NLGN1: variants seen among roughly 807,000 people sequenced by gnomAD.
NLGN1 encodes the protein neuroligin 1, also known as neuroligin-1.
A neutral mutation model predicts 65.5 loss-of-function variants in NLGN1; 12 were observed. The ratio of observed to expected loss-of-function variants is 0.18; its 90% CI spans 0.12 to 0.30. NLGN1 has a LOEUF of 0.30. Among genes scored for constraint, NLGN1 ranks in the 10% least tolerant of loss-of-function variants. The pLI is 1.00. For synonymous variants in NLGN1, 350 were observed against 359.5 expected (o/e 0.97, Z 0.30); for missense variants, 750 against 1,007.1 (o/e 0.74, Z 3.46).
At chr3:173,892,715 C>T (rs531764479) in intron 4 of NLGN1, among the ~76,000 whole-genome samples, 7 of 150,518 alleles carry the variant, frequency 4.7e-5, no homozygotes, top group Admixed American at 1.3e-4. Context: ...GCTCTACATC[C>T]GAGTTATGAT....
At position 173,700,941 on chromosome 3, in the gene NLGN1, C is replaced by T. The variant is rs207464079; in HGVS notation, c.493+95850C>T. Among the ~76,000 whole-genome samples the T allele has an allele frequency of 3.0e-4, 45 of 152,126 alleles. No homozygotes were observed. In the East Asian group the frequency reaches 6.2e-3, roughly 21 times the overall value. On this transcript the variant is annotated intron_variant, in intron 3 of 6. Transcript: ENST00000457714. ...GAGATCGAGACCATCCTGGCTAACA[C>T]GGTGAAACCCTGTCTCTACTAAAAA...
intron 4 of NLGN1, among the ~76,000 whole-genome samples, chr3:174,097,313 G>A (rs561679803): frequency 6.6e-6 from 1 of 152,020 alleles, no homozygotes; most frequent in Non-Finnish European, 1.5e-5. Flanking sequence ...TTATTCTTCA[G>A]GGCAATAATT....
At chr3:173,956,595 C>T (rs764868315) in intron 4 of NLGN1, among the ~76,000 whole-genome samples, 2 of 152,082 alleles carry the variant, frequency 1.3e-5, no homozygotes, top group Non-Finnish European at 1.5e-5. Context: ...GGACTCTTCC[C>T]CTTTCTGCCC....
intron 2 of NLGN1, chr3:173,585,101 G>A (rs1163834758): frequency 1.3e-5 from 2 of 152,356 alleles, no homozygotes; most frequent in East Asian, 1.9e-4. Context: ...GGAAGGTGAT[G>A]CGGACGCGGT....
chr3:173,572,091 A>G (rs1371981173), intron 2 of NLGN1, among the ~76,000 whole-genome samples: 1 of 152,226 alleles, frequency 6.6e-6, no homozygotes. Flanking sequence ...TCCACATGCT[A>G]TCAGGATCCA....
exon 7 of NLGN1, chr3:174,282,629 A>ACTC (rs1191893851): frequency 2.0e-5 from 3 of 151,986 alleles, no homozygotes; most frequent in Non-Finnish European, 4.4e-5. Flanking sequence ...ACCACAGGAA[A>ACTC]CTCTTCATCC....
chr3:174,175,442 A>G (rs751931983), intron 4 of NLGN1, among the ~76,000 whole-genome samples: 6 of 151,826 alleles, frequency 4.0e-5, no homozygotes, highest in Non-Finnish European at 7.4e-5. Flanking sequence ...CCTGAAGTAA[A>G]TATAGCTACT....
intron 1 of NLGN1, among the ~76,000 whole-genome samples, chr3:173,413,050 T>A (rs1712925283): frequency 6.6e-6 from 1 of 152,162 alleles, no homozygotes; most frequent in African/African-American, 2.4e-5. Context: ...TTATCCTTCT[T>A]TTCTTTTTAA....
chr3:173,543,756 A>T (rs1416109623), intron 2 of NLGN1, among the ~76,000 whole-genome samples: 1 of 152,182 alleles, frequency 6.6e-6, no homozygotes, highest in Non-Finnish European at 1.5e-5. Flanking sequence ...TGTGCTAGTC[A>T]GTATAGTAGA....
chr3:173,985,446 C>T (rs936515025), intron 4 of NLGN1, among the ~76,000 whole-genome samples: 2 of 152,124 alleles, frequency 1.3e-5, no homozygotes, highest in Non-Finnish European at 2.9e-5. Context: ...AGCAGGAACC[C>T]ATTCTAGTGC....
At chr3:174,252,474 G>T (rs1433926975) in intron 4 of NLGN1, among the ~76,000 whole-genome samples, 3 of 152,108 alleles carry the variant, frequency 2.0e-5, no homozygotes, top group African/African-American at 7.2e-5. Context: ...ATAGTGAGTT[G>T]TTTGAGTAAA....
intron 1 of NLGN1, among the ~76,000 whole-genome samples, chr3:173,412,894 A>G (rs1040789091): frequency 2.0e-5 from 3 of 152,208 alleles, no homozygotes; most frequent in Admixed American, 1.3e-4. Flanking sequence ...CCTGCAGTGC[A>G]TAATGCTGAC....
chr3:173,608,813 G>T (rs550839097), intron 3 of NLGN1, among the ~76,000 whole-genome samples: 2 of 151,468 alleles, frequency 1.3e-5, no homozygotes, highest in Non-Finnish European at 2.9e-5. Context: ...TCAGTTGACC[G>T]TATTTTAGAC....
chr3:173,755,077 C>T (rs546392850), intron 3 of NLGN1, among the ~76,000 whole-genome samples: 10 of 152,024 alleles, frequency 6.6e-5, no homozygotes, highest in Non-Finnish European at 1.2e-4. Context: ...TTGAAACATT[C>T]CCTGACAATA....
chr3:173,870,320 C>G (rs1435800282), intron 4 of NLGN1, among the ~76,000 whole-genome samples: 1 of 152,128 alleles, frequency 6.6e-6, no homozygotes, highest in East Asian at 1.9e-4. Context: ...AGAGCTATAT[C>G]TTCACAAAAA....
intron 4 of NLGN1, among the ~76,000 whole-genome samples, chr3:173,950,550 T>A (rs1433223366): frequency 2.0e-5 from 3 of 152,128 alleles, no homozygotes; most frequent in African/African-American, 7.2e-5. Flanking sequence ...TGGTGGCTCA[T>A]GCCTGTAATC....
intron 4 of NLGN1, among the ~76,000 whole-genome samples, chr3:174,146,672 A>G (rs572741812): frequency 4.6e-5 from 7 of 151,076 alleles, no homozygotes; most frequent in Non-Finnish European, 1.0e-4. Context: ...GGTCAAAGCG[A>G]TTCTCCTGCC....
At chr3:173,765,995 T>C (rs1357448054) in intron 3 of NLGN1, among the ~76,000 whole-genome samples, 1 of 152,164 alleles carries the variant, frequency 6.6e-6, no homozygotes, top group African/African-American at 2.4e-5. Context: ...GAGGAGAAAC[T>C]CTTCTATTTT....
intron 4 of NLGN1, among the ~76,000 whole-genome samples, chr3:174,216,936 C>A (rs1202145171): frequency 6.6e-6 from 1 of 152,060 alleles, no homozygotes; most frequent in Non-Finnish European, 1.5e-5. Context: ...CAGAAAAAAA[C>A]ATTTGAACAA....
Sources: gnomAD v4.1 joint callset for allele counts (sites outside exome capture counted in the v4.1 genomes callset) on GRCh38, gnomAD v4.1.1 for gene constraint, MANE v1.5 for transcripts, NCBI Gene and HGNC (gene_info 2026-07-23, HGNC 2026-07-21) for gene names.